The following PFKP variants were observed in gnomAD, a reference collection of about 807,000 sequenced individuals.
PFKP encodes ATP-dependent 6-phosphofructokinase, platelet type.
In PFKP, 101 loss-of-function variants were observed where a neutral mutation model predicts 94.3. The observed-to-expected ratio is 1.07, with a 90% CI of 0.91 to 1.26. PFKP has a LOEUF of 1.26. Among genes scored for constraint, PFKP ranks in the 50% most tolerant of loss-of-function variants. PFKP has a pLI of 0.00. For synonymous variants in PFKP, 573 were observed against 432.6 expected, an observed-to-expected ratio of 1.32 and a Z score of -4.03; for missense variants, 1,145 against 1,103.3, an observed-to-expected ratio of 1.04 and a Z score of -0.53.
chr10:3,080,158 A>C (rs1832938623), intron 1 of PFKP, among the ~76,000 whole-genome samples: 1 of 152,144 alleles, frequency 6.6e-6, no homozygotes, highest in African/African-American at 2.4e-5. Flanking sequence ...CCGGGAGCTC[A>C]GGGGAACTTG....
rs375083687 is a variant in PFKP at position 3,108,683 on chromosome 10, C to G, written c.871-18C>G. 1 of 1,599,628 alleles carries G rather than the reference C, an allele frequency of 6.3e-7. No homozygotes were observed. Among genetic ancestry groups the G allele is most frequent in the Non-Finnish European group, 8.6e-7 (1 of 1,166,754 alleles). ...TCCGCATCACAGTTCCGCATCCTAACGAGATGTTTCCTTGCAGCTTGTCGT... is the reference window on the plus strand; with the variant it reads ...TCCGCATCACAGTTCCGCATCCTAAGGAGATGTTTCCTTGCAGCTTGTCGT... On this transcript the variant is annotated intron_variant, in intron 8 of 21. Coordinates refer to ENST00000381125, the MANE Select transcript of PFKP (RefSeq NM_002627.5).
chr10:3,118,258 A>G (rs1000093095), intron 14 of PFKP, among the ~76,000 whole-genome samples: 4 of 152,122 alleles, frequency 2.6e-5, no homozygotes, highest in Middle Eastern at 3.2e-3. Context: ...CAGGAGGTCA[A>G]GAGATGGAGA....
chr10:3,121,937 T>G (rs1295407646), intron 16 of PFKP, among the ~76,000 whole-genome samples: 1 of 147,126 alleles, frequency 6.8e-6, no homozygotes, highest in Non-Finnish European at 1.5e-5. Context: ...TCCTCCCACC[T>G]CAGCCTCCTG....
chr10:3,132,756 C>T (rs145627349), intron 18 of PFKP, among the ~76,000 whole-genome samples: 3 of 152,358 alleles, frequency 2.0e-5, no homozygotes, highest in African/African-American at 4.8e-5. Context: ...TGTCCCAAGA[C>T]TGCAGTGGGT....
At chr10:3,100,185 G>T (rs1834864101) in intron 3 of PFKP, among the ~76,000 whole-genome samples, 1 of 151,872 alleles carries the variant, frequency 6.6e-6, no homozygotes, top group Non-Finnish European at 1.5e-5. Context: ...TCTTTGGTTG[G>T]AGTTTCTGGG....
intron 2 of PFKP, among the ~76,000 whole-genome samples, chr10:3,089,565 A>G (rs1397238575): frequency 6.6e-6 from 1 of 151,630 alleles, no homozygotes; most frequent in African/African-American, 2.4e-5. Flanking sequence ...CATATCCATC[A>G]CCTCAAGAAC....
intron 16 of PFKP, among the ~76,000 whole-genome samples, chr10:3,125,776 G>A (rs903062721): frequency 1.3e-5 from 2 of 152,250 alleles, no homozygotes; most frequent in Admixed American, 6.5e-5. Flanking sequence ...AGTCGTGGGT[G>A]TGGTGCTGAC....
intron 17 of PFKP, among the ~76,000 whole-genome samples, chr10:3,132,020 CTT>C (rs1207923990): frequency 3.3e-5 from 5 of 152,146 alleles, no homozygotes; most frequent in Non-Finnish European, 7.3e-5. Context: ...ACAGGTCACT[CTT>C]TCCTCTGAGA....
At chr10:3,090,652 G>A (rs1264161767) in intron 2 of PFKP, among the ~76,000 whole-genome samples, 2 of 151,862 alleles carry the variant, frequency 1.3e-5, no homozygotes, top group African/African-American at 4.8e-5. Flanking sequence ...CTTGGTGGGC[G>A]GTCCTTTGAC....
intron 2 of PFKP, among the ~76,000 whole-genome samples, chr10:3,093,135 T>C (rs1435343207): frequency 6.6e-6 from 1 of 151,688 alleles, no homozygotes; most frequent in Non-Finnish European, 1.5e-5. Context: ...TGGAAACTAG[T>C]TGGCAAGACA....
chr10:3,120,003 T>C lies in PFKP; in HGVS notation c.1642T>C (p.Phe548Leu). 1 of 1,614,178 alleles carries C rather than the reference T, an allele frequency of 6.2e-7. No individual in the cohort carries two copies. Among genetic ancestry groups the C allele is most frequent in the Non-Finnish European group, 8.5e-7 (1 of 1,180,004 alleles). The change falls in exon 16 of 22, where the codon TTC (phenylalanine) becomes CTC (leucine). Residue 548 changes from phenylalanine to leucine, a missense_variant. By Grantham distance (22) the Phe-to-Leu change is conservative. Transcript: ENST00000381125. ...TVSNNVPGSDFSIGADTALNT... is the reference protein window; with the variant it reads ...TVSNNVPGSDLSIGADTALNT... ...GTCCAACAATGTGCCGGGTTCCGAT[T>C]TCAGCATCGGGGCAGACACCGCCCT...
At chr10:3,120,353 C>T (rs539916782) in intron 16 of PFKP, among the ~76,000 whole-genome samples, 35 of 133,530 alleles carry the variant, frequency 2.6e-4, no homozygotes, top group Non-Finnish European at 4.4e-4. Flanking sequence ...TGTGATTGTA[C>T]CAGCATTAAA....
chr10:3,088,067 A>G (rs1833755240), intron 2 of PFKP, among the ~76,000 whole-genome samples: 1 of 139,200 alleles, frequency 7.2e-6, no homozygotes, highest in African/African-American at 2.8e-5. Context: ...ACCTATGTAT[A>G]CATGTGCCAT....
intron 17 of PFKP, among the ~76,000 whole-genome samples, chr10:3,130,576 T>C (rs1215856246): frequency 6.6e-6 from 1 of 152,122 alleles, no homozygotes; most frequent in Non-Finnish European, 1.5e-5. Context: ...ATTGTCTTTA[T>C]TTAGAGAGGG....
chr10:3,125,892 G>A (rs1033920255), intron 16 of PFKP, among the ~76,000 whole-genome samples: 8 of 152,200 alleles, frequency 5.3e-5, no homozygotes, highest in African/African-American at 1.4e-4. Flanking sequence ...CTGCAGAGAC[G>A]GTCCTCACTC....
At position 3,130,199 on chromosome 10, in the gene PFKP, A is replaced by G. The variant is rs146167294; in HGVS notation, c.1848+216A>G. Reference sequence around the variant, plus strand: ...CTGGTTGAGGACACCTTCTAGTCTCATGTGTGAAACACAAGCTTGTTTGTT... The same window carrying G: ...CTGGTTGAGGACACCTTCTAGTCTCGTGTGTGAAACACAAGCTTGTTTGTT... On this transcript the variant is annotated intron_variant, in intron 17 of 21. Coordinates refer to ENST00000381125, the MANE Select transcript of PFKP (RefSeq NM_002627.5). Among the ~76,000 whole-genome samples the G allele has an allele frequency of 5.8e-3, 869 of 148,682 alleles. 5 individuals carry two copies. Among genetic ancestry groups the G allele is most frequent in the Middle Eastern group, 0.038 (11 of 292 alleles).
chr10:3,121,514 T>C (rs1837398902), intron 16 of PFKP, among the ~76,000 whole-genome samples: 1 of 152,052 alleles, frequency 6.6e-6, no homozygotes, highest in Non-Finnish European at 1.5e-5. Flanking sequence ...GGGTGGAGAA[T>C]TTGAGAGCGG....
intron 2 of PFKP, among the ~76,000 whole-genome samples, chr10:3,095,961 A>G (rs1014483826): frequency 6.6e-6 from 1 of 150,554 alleles, no homozygotes; most frequent in Non-Finnish European, 1.5e-5. Context: ...TCTATTTTTT[A>G]ATGGCTTTCT....
At chr10:3,101,658 C>T (rs1178233011) in intron 4 of PFKP, 104 bp downstream of exon 4, 4 of 752,882 alleles carry the variant, frequency 5.3e-6, no homozygotes, top group Middle Eastern at 3.9e-4. Flanking sequence ...CCTCTTCTCA[C>T]AGATCTTACA....
Sources: allele counts gnomAD v4.1 joint callset (sites outside exome capture counted in the v4.1 genomes callset), GRCh38; gene constraint gnomAD v4.1.1; transcripts MANE v1.5; gene names NCBI Gene and HGNC (gene_info 2026-07-23, HGNC 2026-07-21).